Variants in TENM3 observed in about 807,000 individuals in gnomAD.
TENM3 encodes the protein teneurin-3.
TENM3 carries 63 observed loss-of-function variants against 255.1 expected under a neutral mutation model. That is an observed-to-expected ratio of 0.25 (90% CI 0.20 to 0.30). TENM3 has a LOEUF of 0.30. Ranked by LOEUF, TENM3 falls within the 10% of genes least tolerant of loss-of-function variation. The probability of loss-of-function intolerance (pLI) is 1.00; values close to 1 mark genes in which losing one functional copy is unlikely to be tolerated. For missense variants in TENM3, 2,929 were observed against 3,461.1 expected, an observed-to-expected ratio of 0.85 and a Z score of 3.86; for synonymous variants, 1,306 against 1,322.3, an observed-to-expected ratio of 0.99 and a Z score of 0.27.
At chr4:182,550,920 T>C (rs1291635812) in intron 3 of TENM3, among the ~76,000 whole-genome samples, 1 of 152,102 alleles carries the variant, frequency 6.6e-6, no homozygotes, top group Non-Finnish European at 1.5e-5. Flanking sequence ...ATTTAGTTTC[T>C]GTCACAAAAA....
intron 3 of TENM3, among the ~76,000 whole-genome samples, chr4:182,443,540 G>T (rs1772666336): frequency 1.3e-5 from 2 of 152,138 alleles, no homozygotes; most frequent in Non-Finnish European, 2.9e-5. Context: ...TGGCCATCTG[G>T]ATTTCTCTTG....
At chr4:182,558,203 C>T (rs1374586447) in intron 3 of TENM3, among the ~76,000 whole-genome samples, 1 of 152,172 alleles carries the variant, frequency 6.6e-6, no homozygotes, top group African/African-American at 2.4e-5. Flanking sequence ...GTAGCGAAAA[C>T]GCTTGGAAAA....
the TENM3 span, among the ~76,000 whole-genome samples, chr4:181,700,478 G>A: frequency 6.6e-6 from 1 of 152,132 alleles, no homozygotes; most frequent in Non-Finnish European, 1.5e-5. Flanking sequence ...ATAGGCTTTG[G>A]ATTTGGCATG....
At chr4:182,368,452 AC>A (rs1371438563) in intron 3 of TENM3, among the ~76,000 whole-genome samples, 1 of 152,080 alleles carries the variant, frequency 6.6e-6, no homozygotes, top group African/African-American at 2.4e-5. Context: ...TTTATTGTCG[AC>A]CTTTGCATCT....
At chr4:181,625,644 C>G in the TENM3 span, among the ~76,000 whole-genome samples, 53 of 152,072 alleles carry the variant, frequency 3.5e-4, no homozygotes, top group Admixed American at 3.3e-3. Context: ...AACCCCGTCT[C>G]TACTAGAAAT....
the TENM3 span, among the ~76,000 whole-genome samples, chr4:181,718,687 G>C: frequency 6.6e-6 from 1 of 152,082 alleles, no homozygotes; most frequent in African/African-American, 2.4e-5. Context: ...GGTCAGCCTC[G>C]CATCTGTAAT....
At chr4:181,763,257 A>G in the TENM3 span, among the ~76,000 whole-genome samples, 1 of 152,184 alleles carries the variant, frequency 6.6e-6, no homozygotes, top group Non-Finnish European at 1.5e-5. Flanking sequence ...TAAATGGTAC[A>G]TGCATTGGAT....
intron 3 of TENM3, among the ~76,000 whole-genome samples, chr4:182,384,129 C>T (rs746620397): frequency 6.6e-6 from 1 of 151,974 alleles, no homozygotes; most frequent in Non-Finnish European, 1.5e-5. Flanking sequence ...TTGGACGTGA[C>T]TCAATAATGA....
chr4:182,752,880 T>G (rs1762468781), intron 20 of TENM3, among the ~76,000 whole-genome samples: 1 of 152,182 alleles, frequency 6.6e-6, no homozygotes, highest in African/African-American at 2.4e-5. Flanking sequence ...CATTCAGGTA[T>G]TACCTGTGTG....
chr4:182,325,834 G>A (rs1350038315), intron 2 of TENM3, among the ~76,000 whole-genome samples: 1 of 152,110 alleles, frequency 6.6e-6, no homozygotes, highest in Non-Finnish European at 1.5e-5. Flanking sequence ...GATGCACTGG[G>A]GGTCATCTCC....
chr4:181,995,969 C>T, the TENM3 span, among the ~76,000 whole-genome samples: 1 of 152,060 alleles, frequency 6.6e-6, no homozygotes, highest in African/African-American at 2.4e-5. Flanking sequence ...CAGCCCTTTC[C>T]TTCCTCCCTC....
At chr4:181,470,905 A>G in the TENM3 span, among the ~76,000 whole-genome samples, 1 of 152,184 alleles carries the variant, frequency 6.6e-6, no homozygotes, top group Non-Finnish European at 1.5e-5. Flanking sequence ...TGAAATAACT[A>G]ATTTATTTGT....
chr4:182,790,367 A>G (rs943931676), intron 25 of TENM3, among the ~76,000 whole-genome samples: 24 of 152,102 alleles, frequency 1.6e-4, no homozygotes, highest in African/African-American at 4.1e-4. Flanking sequence ...CCATGTTGTC[A>G]CTGTGCTCCC....
At chr4:182,558,840 A>G (rs1224361107) in intron 3 of TENM3, among the ~76,000 whole-genome samples, 1 of 152,090 alleles carries the variant, frequency 6.6e-6, no homozygotes, top group Non-Finnish European at 1.5e-5. Flanking sequence ...TCCTTATTGG[A>G]GATGTTATAA....
the TENM3 span, among the ~76,000 whole-genome samples, chr4:181,889,488 G>A: frequency 3.3e-5 from 5 of 152,148 alleles, no homozygotes; most frequent in Non-Finnish European, 5.9e-5. Flanking sequence ...TTCCTTTACA[G>A]CAACGCAAGA....
intron 12 of TENM3, among the ~76,000 whole-genome samples, chr4:182,700,614 T>C (rs1757776256): frequency 6.6e-6 from 1 of 152,202 alleles, no homozygotes; most frequent in Admixed American, 6.5e-5. Flanking sequence ...GTCTGAAATA[T>C]GACTATCATT....
intron 1 of TENM3, among the ~76,000 whole-genome samples, chr4:182,166,183 TACCTTCTCAGAG>T (rs1751709216): frequency 6.6e-6 from 1 of 152,256 alleles, no homozygotes; most frequent in African/African-American, 2.4e-5. Context: ...TTCGTAAAGA[TACCTTCTCAGAG>T]ACATCGTCAA....
chr4:181,679,273 C>T, the TENM3 span, among the ~76,000 whole-genome samples: 1 of 152,070 alleles, frequency 6.6e-6, no homozygotes, highest in Non-Finnish European at 1.5e-5. Flanking sequence ...AATCTTCTTC[C>T]ACCACATGGC....
At chr4:182,442,879 C>CACATAT in intron 3 of TENM3, among the ~76,000 whole-genome samples, 1 of 128,546 alleles carries the variant, frequency 7.8e-6, no homozygotes. Flanking sequence ...CACACACACA[C>CACATAT]ATATATATAT....
Sources: gnomAD v4.1 joint callset for allele counts (sites outside exome capture counted in the v4.1 genomes callset) on GRCh38, gnomAD v4.1.1 for gene constraint, MANE v1.5 for transcripts, NCBI Gene and HGNC (gene_info 2026-07-23, HGNC 2026-07-21) for gene names.